POTEE: variants seen among roughly 807,000 people sequenced by gnomAD.
POTEE encodes ANKRD26-like family C member 1A.
Under a neutral mutation model 74.2 loss-of-function variants are expected in POTEE, and 21 were observed. The ratio of observed to expected loss-of-function variants is 0.28; its 90% CI spans 0.20 to 0.41. POTEE has a LOEUF of 0.41. Ranked by LOEUF, POTEE falls within the 10% of genes least tolerant of loss-of-function variation. The pLI is 1.00. For missense variants in POTEE, 525 were observed against 1,158.6 expected (o/e 0.45, Z 7.94); for synonymous variants, 211 against 432.8 (o/e 0.49, Z 6.36).
In POTEE at chr2:131,233,128, G is replaced by T. The variant is rs192273100; in HGVS notation, c.1126+2222G>T. 3.7e-3 allele frequency among the ~76,000 whole-genome samples: 558 copies of T among 152,090 alleles called. 3 individuals are homozygous for T. The highest frequency in any genetic ancestry group is 6.8e-3 in the Middle Eastern group (2 of 294). On this transcript the variant is annotated intron_variant, in intron 9 of 17. Transcript: ENST00000683005. ...GGAGCCAACAATGTGTGCTGCAGGG[G>T]CTCATTGGAGAAATTTGAGCAGGGG...
intron 1 of POTEE, among the ~76,000 whole-genome samples, chr2:131,210,564 A>G (rs1418871668): frequency 6.6e-6 from 1 of 151,960 alleles, no homozygotes; most frequent in African/African-American, 2.4e-5. Flanking sequence ...TGCTCGTGCA[A>G]TCTTGAGCAG....
At chr2:131,228,064 C>A in intron 7 of POTEE, among the ~76,000 whole-genome samples, 180 bp from the exon 8 acceptor site, 1 of 151,190 alleles carries the variant, frequency 6.6e-6, no homozygotes, top group East Asian at 1.9e-4. Flanking sequence ...TTTTTGGTCC[C>A]TTCCTTTTAA....
chr2:131,226,933 T>C lies in POTEE; in HGVS notation c.917+4T>C. Reference sequence around the variant, plus strand: ...ATGCACTGGATAGATATGGAAGGTATAGTTCTTTCTTTTAATCTGTGTGTT... The same window carrying C: ...ATGCACTGGATAGATATGGAAGGTACAGTTCTTTCTTTTAATCTGTGTGTT... On this transcript the variant is annotated splice_donor_region_variant and intron_variant, in intron 7 of 17. Transcript: ENST00000683005. The C allele has an allele frequency of 1.2e-6, 2 of 1,611,352 alleles. No homozygotes were observed. Among genetic ancestry groups the C allele is most frequent in the Non-Finnish European group, 1.7e-6 (2 of 1,179,466 alleles).
intron 8 of POTEE, among the ~76,000 whole-genome samples, chr2:131,230,277 TC>T (rs1184203197): frequency 6.6e-6 from 1 of 152,204 alleles, no homozygotes; most frequent in Non-Finnish European, 1.5e-5. Flanking sequence ...AATAACATTT[TC>T]TGAAAACTAC....
chr2:131,211,747 G>A (rs1386960430), intron 2 of POTEE, among the ~76,000 whole-genome samples: 5 of 151,270 alleles, frequency 3.3e-5, no homozygotes, highest in Admixed American at 6.6e-5. Context: ...TAGTAGAGAT[G>A]GGGTTTCACA....
Position 131,238,200 on chromosome 2 carries a change from T to C in POTEE, c.1204T>C (p.Ser402Pro). Reference sequence around the variant, plus strand: ...TCTGTTTTTGCCTCTGCAGAAAATGTCTCAAGAACTAGAAATAAATAAGGA... The same window carrying C: ...TCTGTTTTTGCCTCTGCAGAAAATGCCTCAAGAACTAGAAATAAATAAGGA... ...GSENSQPEKM[S>P]QELEINKDGD... is the part of the protein sequence containing the mutation. The change falls in exon 11 of 18, where the codon TCT becomes CCT. Residue 402 changes from serine (S) to proline (P), a missense_variant. Ser to Pro is a moderately conservative substitution (Grantham distance 74). Coordinates refer to ENST00000683005, the MANE Select transcript of POTEE (RefSeq NM_001083538.3). 6.2e-7 allele frequency: 1 copy of C among 1,605,042 alleles called. No homozygotes were observed. The highest frequency in any genetic ancestry group is 2.2e-5 in the East Asian group (1 of 44,580).
chr2:131,214,231 T>G (rs1313897207), intron 2 of POTEE, among the ~76,000 whole-genome samples: 1 of 152,280 alleles, frequency 6.6e-6, no homozygotes. Flanking sequence ...CTCCTCTGTT[T>G]TGCCTTGCGT....
chr2:131,223,296 G>A (rs1700680746), intron 4 of POTEE, among the ~76,000 whole-genome samples: 1 of 138,794 alleles, frequency 7.2e-6, no homozygotes, highest in South Asian at 2.4e-4. Flanking sequence ...TATTGATGAG[G>A]AAACTGAGAC....
intron 4 of POTEE, among the ~76,000 whole-genome samples, chr2:131,221,252 G>T (rs1700608131): frequency 6.6e-6 from 1 of 151,976 alleles, no homozygotes; most frequent in Non-Finnish European, 1.5e-5. Flanking sequence ...ACAAATTTCA[G>T]TGCATCCATA....
intron 4 of POTEE, among the ~76,000 whole-genome samples, chr2:131,219,815 G>A (rs1295833192): frequency 3.3e-5 from 5 of 151,530 alleles, no homozygotes; most frequent in Non-Finnish European, 5.9e-5. Flanking sequence ...AAGTTTTAGC[G>A]TTTTTAAATT....
At chr2:131,224,125 A>G (rs1477817180) in intron 6 of POTEE, 82 bp downstream of exon 6, 1 of 1,398,990 alleles carries the variant, frequency 7.1e-7, no homozygotes, top group Non-Finnish European at 9.6e-7. Flanking sequence ...AGTCTTCCAT[A>G]TTTGGAAGCT....
intron 1 of POTEE, among the ~76,000 whole-genome samples, chr2:131,210,419 G>A (rs1700333650): frequency 6.6e-6 from 1 of 151,108 alleles, no homozygotes; most frequent in East Asian, 2.0e-4. Flanking sequence ...GCCGGCGGCA[G>A]GGGTCAGGTT....
At position 131,264,123 on chromosome 2, in the gene POTEE, A is replaced by G. The variant is rs374662832; in HGVS notation, c.2668A>G (p.Met890Val). Residue 890 changes from methionine (M) to valine (V), a missense_variant, in exon 18 of 18, where the codon ATG becomes GTG. Met to Val is a conservative substitution (Grantham distance 21, BLOSUM62 1). Transcript: ENST00000683005. The part of the protein sequence containing the change: ...LAGRELPDYL[M>V]KILTERGYRF... The stretch of plus-strand genomic sequence containing the variant: ...TGGGCGGGAACTGCCTGACTACCTC[A>G]TGAAGATCCTCACCGAGCGTGGCTA... 1,215 of 1,614,150 alleles carry G rather than the reference A, an allele frequency of 7.5e-4. 1 individual carries two copies. Among genetic ancestry groups the G allele is most frequent in the Non-Finnish European group, 9.5e-4 (1,122 of 1,180,042 alleles).
chr2:131,229,708 A>G (rs1324531020), intron 8 of POTEE: 1 of 152,174 alleles, frequency 6.6e-6, no homozygotes, highest in East Asian at 1.9e-4. Context: ...AGCATTCCAT[A>G]TTTTGTGCAG....
intron 4 of POTEE, among the ~76,000 whole-genome samples, chr2:131,220,381 T>G (rs996742179): frequency 2.0e-5 from 3 of 151,560 alleles, no homozygotes; most frequent in Admixed American, 1.3e-4. Context: ...TTGCTTTGTA[T>G]TTTTAGTAGA....
chr2:131,221,555 G>C (rs1700618179), intron 4 of POTEE, among the ~76,000 whole-genome samples: 1 of 152,078 alleles, frequency 6.6e-6, no homozygotes, highest in Admixed American at 6.5e-5. Context: ...GAAGGAATAT[G>C]CTTCTTGCAT....
At chr2:131,218,211 C>G (rs1217718933) in intron 3 of POTEE, 99 bp from the exon 4 acceptor site, 3 of 803,496 alleles carry the variant, frequency 3.7e-6, no homozygotes, top group Non-Finnish European at 5.2e-6. Flanking sequence ...GGGCTTTCCT[C>G]GGGTGGGTGT....
chr2:131,217,543 G>T (rs1407394709), intron 2 of POTEE, among the ~76,000 whole-genome samples, 46 bp from the exon 3 acceptor site: 13 of 148,008 alleles, frequency 8.8e-5, no homozygotes, highest in Non-Finnish European at 1.8e-4. Flanking sequence ...AGTTCCAGAC[G>T]CTTAGCCCCA....
intron 2 of POTEE, among the ~76,000 whole-genome samples, chr2:131,217,308 C>CG (rs1414944737): frequency 9.2e-6 from 1 of 108,866 alleles, no homozygotes. Context: ...CCAAATGCCC[C>CG]CTTGCTGATG....
Sources: allele counts gnomAD v4.1 joint callset (sites outside exome capture counted in the v4.1 genomes callset), GRCh38; gene constraint gnomAD v4.1.1; transcripts MANE v1.5; gene names NCBI Gene and HGNC (gene_info 2026-07-23, HGNC 2026-07-21).